FGD6: variants seen among roughly 807,000 people sequenced by gnomAD.
FGD6 encodes the protein FYVE, RhoGEF and PH domain-containing protein 6.
In FGD6, 90 loss-of-function variants were observed where a neutral mutation model predicts 149.4. The observed-to-expected ratio is 0.60, with a 90% CI of 0.51 to 0.72. The LOEUF (loss-of-function observed/expected upper bound fraction) is 0.72. Ranked by LOEUF, FGD6 falls within the 30% of genes least tolerant of loss-of-function variation. The pLI, the probability that FGD6 is intolerant of heterozygous loss-of-function variation, is 0.00. For synonymous variants in FGD6, 527 were observed against 584.0 expected, an observed-to-expected ratio of 0.90 and a Z score of 1.41; for missense variants, 1,437 against 1,684.8, an observed-to-expected ratio of 0.85 and a Z score of 2.57.
At chr12:95,127,981 T>C (rs1879397256) in intron 8 of FGD6, among the ~76,000 whole-genome samples, 1 of 152,178 alleles carries the variant, frequency 6.6e-6, no homozygotes, top group Non-Finnish European at 1.5e-5. Flanking sequence ...TGAAAGGCTT[T>C]TTTCTGAAAA....
At chr12:95,208,653 C>G (rs2056705235) in intron 2 of FGD6, among the ~76,000 whole-genome samples, 190 bp downstream of exon 2, 2 of 152,196 alleles carry the variant, frequency 1.3e-5, no homozygotes, top group Admixed American at 1.3e-4. Flanking sequence ...AAATTAACTA[C>G]TTCAAGCTTG....
chr12:95,210,173 T>C lies in FGD6; in HGVS notation c.1111A>G (p.Lys371Glu). 6.2e-7 allele frequency: 1 copy of C among 1,614,024 alleles called. No individual in the cohort carries two copies. Among genetic ancestry groups the C allele is most frequent in the Non-Finnish European group, 8.5e-7 (1 of 1,180,022 alleles). ...TTCATTTTATCCACCTGTTCCTGCTTACACAAAACATTCTGATGCAGAACA... is the reference window on the plus strand; with the variant it reads ...TTCATTTTATCCACCTGTTCCTGCTCACACAAAACATTCTGATGCAGAACA... ...ISVLHQNVLC[K>E]QEQVDKMKLG... Residue 371 changes from lysine (K) to glutamate (E), a missense_variant, in exon 2 of 21, where the codon AAG becomes GAG. Physicochemically the swap from Lys to Glu is moderately conservative, Grantham distance 56 (BLOSUM62 1). Around this residue, in one of 2 missense-constraint regions of FGD6, gnomAD observed 1,055 missense variants for 1,146.0 expected, o/e 0.92. Transcript: ENST00000343958.
In FGD6 at chr12:95,080,654, CATT is replaced by C. The variant is rs1307673517; in HGVS notation, c.*863_*865del. The C allele has an allele frequency of 9.9e-5, 15 of 152,232 alleles. No homozygotes were observed. Among genetic ancestry groups the C allele is most frequent in the Admixed American group, 7.8e-4 (12 of 15,290 alleles). The allele number at this position is 152,232 out of a possible 1,614,324, so 9.4% of individuals were successfully genotyped here. On this transcript the variant is annotated 3_prime_UTR_variant, in exon 21 of 21. Coordinates refer to ENST00000343958, the MANE Select transcript of FGD6 (RefSeq NM_018351.4). ...CATTACTTATAGATACAAATATCAT[CATT>C]GACTTGGGCTCAGAACTCTTATAAT...
chr12:95,117,445 G>A (rs1417249570), intron 8 of FGD6, among the ~76,000 whole-genome samples: 1 of 151,222 alleles, frequency 6.6e-6, no homozygotes, highest in Non-Finnish European at 1.5e-5. Context: ...TCTTTTTTTG[G>A]AGGGTCTCGC....
chr12:95,091,877 T>C lies in FGD6; in HGVS notation c.3748-68A>G, dbSNP rs548093518. The C allele has an allele frequency of 2.4e-6, 3 of 1,237,284 alleles. No individual in the cohort carries two copies. In the East Asian group the frequency reaches 7.1e-5, roughly 29 times the overall value. 76.6% of individuals were successfully genotyped at this position (1,237,284 alleles called of 1,614,324 possible). On this transcript the variant is annotated intron_variant, in intron 16 of 20. Transcript: ENST00000343958. ...ACTTGTGTTTCTACACCATAAAGTA[T>C]GTTACAATTTACAGTGCTATCCACT...
chr12:95,202,643 C>T (rs1268805547), intron 2 of FGD6, among the ~76,000 whole-genome samples: 1 of 152,064 alleles, frequency 6.6e-6, no homozygotes, highest in East Asian at 1.9e-4. Flanking sequence ...ATCCTCCTGC[C>T]TCGGCCTCCC....
chr12:95,193,775 T>C (rs1881659401), intron 2 of FGD6, among the ~76,000 whole-genome samples: 2 of 152,042 alleles, frequency 1.3e-5, no homozygotes, highest in African/African-American at 4.8e-5. Flanking sequence ...GTGATCCGCC[T>C]GCCTCGGCCT....
intron 3 of FGD6, among the ~76,000 whole-genome samples, chr12:95,169,320 T>C (rs900505225): frequency 5.9e-5 from 9 of 151,578 alleles, no homozygotes; most frequent in South Asian, 4.2e-4. Flanking sequence ...ATGCTTGAGA[T>C]GATGAAAAAA....
chr12:95,210,976 T>C lies in FGD6; in HGVS notation c.308A>G (p.Asn103Ser), dbSNP rs2136304703. ...FNCKYEGNQS[N>S]DYISPMCSCS... Reference sequence around the variant, plus strand: ...GGAACACATTGGTGAAATATAATCATTGCTCTGATTGCCTTCATATTTACA... The same window carrying C: ...GGAACACATTGGTGAAATATAATCACTGCTCTGATTGCCTTCATATTTACA... The change falls in exon 2 of 21, where the codon AAT (asparagine) becomes AGT (serine). Residue 103 changes from asparagine to serine, a missense_variant. Transcript: ENST00000343958. 1 of 1,614,260 alleles carries C rather than the reference T, an allele frequency of 6.2e-7. No individual in the cohort carries two copies. The highest frequency in any genetic ancestry group is 8.5e-7 in the Non-Finnish European group (1 of 1,180,048).
At chr12:95,131,356 G>A (rs1406200168) in intron 8 of FGD6, among the ~76,000 whole-genome samples, 1 of 152,004 alleles carries the variant, frequency 6.6e-6, no homozygotes, top group Admixed American at 6.6e-5. Flanking sequence ...TGATCTGCCC[G>A]CCTCAGCCTC....
chr12:95,180,766 C>T (rs1390126411), intron 2 of FGD6, among the ~76,000 whole-genome samples: 1 of 151,832 alleles, frequency 6.6e-6, no homozygotes, highest in Non-Finnish European at 1.5e-5. Flanking sequence ...TCAAAGTTGA[C>T]CACCCCCCCG....
At chr12:95,131,036 G>A (rs1263479322) in intron 8 of FGD6, among the ~76,000 whole-genome samples, 1 of 151,878 alleles carries the variant, frequency 6.6e-6, no homozygotes, top group Non-Finnish European at 1.5e-5. Context: ...TTCTTTTTAG[G>A]AGAAGATATC....
chr12:95,143,068 A>AT (rs1249212208), intron 5 of FGD6, among the ~76,000 whole-genome samples: 4 of 152,124 alleles, frequency 2.6e-5, no homozygotes, highest in Admixed American at 2.0e-4. Context: ...AAAAACAAAG[A>AT]TTTTTTCCTT....
intron 2 of FGD6, among the ~76,000 whole-genome samples, chr12:95,189,858 T>C (rs529992711): frequency 7.9e-5 from 12 of 152,282 alleles, no homozygotes; most frequent in African/African-American, 2.6e-4. Context: ...TCACAGAGTA[T>C]TTTAAAAAGA....
At chr12:95,140,697 G>A (rs1879816698) in intron 6 of FGD6, among the ~76,000 whole-genome samples, 1 of 152,170 alleles carries the variant, frequency 6.6e-6, no homozygotes, top group African/African-American at 2.4e-5. Flanking sequence ...ACTGGAAAGG[G>A]AGTTTCATGA....
intron 2 of FGD6, among the ~76,000 whole-genome samples, chr12:95,187,035 T>C (rs1422371162): frequency 6.6e-6 from 1 of 152,144 alleles, no homozygotes; most frequent in Non-Finnish European, 1.5e-5. Flanking sequence ...TAGAACTGTA[T>C]AAAAAGTGAC....
At chr12:95,086,978 G>C (rs1213437321) in intron 18 of FGD6, among the ~76,000 whole-genome samples, 1 of 151,754 alleles carries the variant, frequency 6.6e-6, no homozygotes, top group East Asian at 1.9e-4. Flanking sequence ...CTCCCGAGTA[G>C]CTGGGATTAC....
chr12:95,159,855 C>T (rs1473946067), intron 3 of FGD6, among the ~76,000 whole-genome samples: 4 of 151,736 alleles, frequency 2.6e-5, no homozygotes, highest in Non-Finnish European at 4.4e-5. Flanking sequence ...AAATAAAAAA[C>T]AATTAGCCAG....
intron 8 of FGD6, among the ~76,000 whole-genome samples, chr12:95,126,801 A>G (rs1879359562): frequency 6.6e-6 from 1 of 151,884 alleles, no homozygotes; most frequent in African/African-American, 2.4e-5. Flanking sequence ...GGTAGTGGGC[A>G]CCCATAACCC....
Sources: gnomAD v4.1 joint callset for allele counts (sites outside exome capture counted in the v4.1 genomes callset) on GRCh38, gnomAD v4.1.1 for gene constraint, gnomAD v4.1.1 regional missense constraint, MANE v1.5 for transcripts, NCBI Gene and HGNC (gene_info 2026-07-23, HGNC 2026-07-21) for gene names.